Variants in DIAPH3 observed in about 807,000 individuals in gnomAD.
DIAPH3 encodes protein diaphanous homolog 3.
DIAPH3 carries 117 observed loss-of-function variants against 144.3 expected under a neutral mutation model. The observed-to-expected ratio is 0.81, with a 90% CI of 0.70 to 0.95. DIAPH3 has a LOEUF of 0.95. Among genes scored for constraint, DIAPH3 ranks in the 40% least tolerant of loss-of-function variants. The probability of loss-of-function intolerance (pLI) is 0.00; values close to 1 mark genes in which losing one functional copy is unlikely to be tolerated. For synonymous variants in DIAPH3, 519 were observed against 488.9 expected, an observed-to-expected ratio of 1.06 and a Z score of -0.81; for missense variants, 1,421 against 1,412.7, an observed-to-expected ratio of 1.01 and a Z score of -0.09.
chr13:60,062,534 C>A (rs1217515532), intron 4 of DIAPH3, among the ~76,000 whole-genome samples: 1 of 152,084 alleles, frequency 6.6e-6, no homozygotes, highest in African/African-American at 2.4e-5. Context: ...CCAAGCACAA[C>A]CCCTCATGAA....
At chr13:60,016,237 T>C in intron 5 of DIAPH3, 92 bp from the exon 6 acceptor site, 1 of 1,126,020 alleles carries the variant, frequency 8.9e-7, no homozygotes, top group Non-Finnish European at 1.3e-6. Context: ...ATTTGCTATA[T>C]TCCTAATCGT....
chr13:59,925,310 C>T (rs191884996), intron 17 of DIAPH3, among the ~76,000 whole-genome samples: 2 of 152,008 alleles, frequency 1.3e-5, no homozygotes. Flanking sequence ...TATACAATAC[C>T]ATTCTTATTT....
At position 59,992,180 on chromosome 13, in the gene DIAPH3, T is replaced by C. The variant is rs753857567; in HGVS notation, c.1132A>G (p.Lys378Glu). The C allele has an allele frequency of 1.9e-6, 3 of 1,606,476 alleles. No homozygotes were observed. Among genetic ancestry groups the C allele is most frequent in the South Asian group, 1.1e-5 (1 of 90,800 alleles). ...CGLKEILPNL[K>E]CIKNDGLDIQ... The stretch of plus-strand genomic sequence containing the variant: ...TCCAGGCCATCATTCTTAATGCATT[T>C]TAAATTCTAGAGATATGAAATAGAA... Residue 378 changes from lysine to glutamate, a missense_variant, in exon 11 of 28, where the codon AAA (lysine) becomes GAA (glutamate). By Grantham distance (56) the Lys-to-Glu change is moderately conservative. Transcript: ENST00000400324.
intron 5 of DIAPH3, chr13:60,034,683 A>G (rs2055068966): frequency 1.3e-5 from 2 of 152,222 alleles, no homozygotes; most frequent in African/African-American, 4.8e-5. Context: ...ACCACAGCCC[A>G]GAATTCCTGG....
chr13:59,806,363 G>C (rs341528), intron 25 of DIAPH3, among the ~76,000 whole-genome samples: 1 of 151,744 alleles, frequency 6.6e-6, no homozygotes, highest in Non-Finnish European at 1.5e-5. Context: ...GATCCTCACA[G>C]TGTTTAAAAA....
intron 20 of DIAPH3, among the ~76,000 whole-genome samples, chr13:59,885,951 C>T (rs2045418493): frequency 6.6e-6 from 1 of 152,042 alleles, no homozygotes; most frequent in Non-Finnish European, 1.5e-5. Context: ...TTTTAAGCCA[C>T]CAAGATCGTA....
intron 22 of DIAPH3, among the ~76,000 whole-genome samples, chr13:59,853,070 G>C (rs1441857469): frequency 6.6e-6 from 1 of 152,176 alleles, no homozygotes; most frequent in South Asian, 2.1e-4. Flanking sequence ...CATTTTATAG[G>C]TAGGAAAAGG....
intron 20 of DIAPH3, among the ~76,000 whole-genome samples, chr13:59,894,352 A>C (rs983160630): frequency 6.6e-6 from 1 of 152,092 alleles, no homozygotes; most frequent in Non-Finnish European, 1.5e-5. Flanking sequence ...GCATAAAAAA[A>C]ATAGGCAGAA....
At chr13:60,085,248 G>C (rs762049075) in intron 4 of DIAPH3, among the ~76,000 whole-genome samples, 3 of 152,034 alleles carry the variant, frequency 2.0e-5, no homozygotes, top group Non-Finnish European at 4.4e-5. Flanking sequence ...GCAGCTACTA[G>C]TATGTATGGT....
At chr13:59,753,148 C>A (rs1416288502) in intron 27 of DIAPH3, among the ~76,000 whole-genome samples, 1 of 152,034 alleles carries the variant, frequency 6.6e-6, no homozygotes, top group Non-Finnish European at 1.5e-5. Flanking sequence ...AGAACAAAAG[C>A]AGAAATAATT....
At position 60,119,395 on chromosome 13, in the gene DIAPH3, A is replaced by C. The variant is rs187135763; in HGVS notation, c.214-7209T>G. Among the ~76,000 whole-genome samples, 321 of 152,308 alleles carry C rather than the reference A, an allele frequency of 2.1e-3. 3 individuals carry two copies. Among genetic ancestry groups the C allele is most frequent in the African/African-American group, 7.5e-3 (310 of 41,566 alleles). The stretch of plus-strand genomic sequence containing the variant: ...TTACCGCAAACTCAAGGCAGAACCC[A>C]ACCCAGAACCACCCAGCTAAGCAAC... On this transcript the variant is annotated intron_variant, in intron 2 of 27. Transcript: ENST00000400324.
At position 59,785,859 on chromosome 13, in the gene DIAPH3, C is replaced by T. The variant is rs568684327; in HGVS notation, c.3164-11036G>A. On this transcript the variant is annotated intron_variant, in intron 25 of 27. Coordinates refer to ENST00000400324, the MANE Select transcript of DIAPH3 (RefSeq NM_001042517.2). The stretch of plus-strand genomic sequence containing the variant: ...ATGTATATGTTGATAACCACTCTTC[C>T]TCTTCCTATCTTAAATATGGCCTGG... Among the ~76,000 whole-genome samples the T allele has an allele frequency of 7.9e-4, 121 of 152,308 alleles. 1 individual carries two copies. In the Middle Eastern group the frequency reaches 0.01, roughly 13 times the overall value.
chr13:59,921,145 A>C (rs1566519479), intron 18 of DIAPH3, among the ~76,000 whole-genome samples: 1 of 151,274 alleles, frequency 6.6e-6, no homozygotes, highest in Non-Finnish European at 1.5e-5. Context: ...AAAAAAAAAA[A>C]ATCTCAAACA....
At position 59,971,071 on chromosome 13, in the gene DIAPH3, T is replaced by C. The variant is rs748308779; in HGVS notation, c.1740A>G (p.Pro580=). The change falls in exon 16 of 28, where the codon CCA becomes CCG. Residue 580 remains proline (P), a synonymous_variant. Transcript: ENST00000400324. ...GCGGCACCCCTCCACCAGAAGGCAG[T>C]GGAGGCGGAGGAGGAAGTGCTGAGT... The part of the protein sequence containing the change: ...TGHSALPPPP[P]LPSGGGVPPP... The C allele has an allele frequency of 5.6e-6, 9 of 1,613,216 alleles. No individual in the cohort carries two copies. Among genetic ancestry groups the C allele is most frequent in the Admixed American group, 1.7e-5 (1 of 59,916 alleles).
chr13:59,891,827 G>A (rs898104368), intron 20 of DIAPH3, among the ~76,000 whole-genome samples: 6 of 152,004 alleles, frequency 3.9e-5, no homozygotes, highest in Non-Finnish European at 8.8e-5. Context: ...TAGCTGAGCT[G>A]TAATAGTTAC....
intron 27 of DIAPH3, among the ~76,000 whole-genome samples, chr13:59,673,316 G>A (rs1047009140): frequency 2.6e-5 from 4 of 152,038 alleles, no homozygotes; most frequent in Non-Finnish European, 5.9e-5. Flanking sequence ...TATTGAAATT[G>A]CTCCTTACAA....
intron 1 of DIAPH3, among the ~76,000 whole-genome samples, chr13:60,138,778 A>AGG (rs59122420): frequency 9.2e-5 from 10 of 108,490 alleles, no homozygotes; most frequent in Non-Finnish European, 2.0e-4. Flanking sequence ...AAGGAGAAGG[A>AGG]GAAGAAGGGG....
At chr13:59,668,010 T>G (rs968880852) in intron 27 of DIAPH3, among the ~76,000 whole-genome samples, 2 of 152,212 alleles carry the variant, frequency 1.3e-5, no homozygotes, top group Non-Finnish European at 2.9e-5. Flanking sequence ...TTTACACACT[T>G]TCTTGGACAA....
chr13:60,079,113 C>T (rs73218519), intron 4 of DIAPH3, among the ~76,000 whole-genome samples: 6,536 of 151,816 alleles, frequency 0.043, 184 homozygotes, highest in East Asian at 0.1. Flanking sequence ...GAAAAAAGGG[C>T]AGAAAAGTTA....
Sources: allele counts gnomAD v4.1 joint callset (sites outside exome capture counted in the v4.1 genomes callset), GRCh38; gene constraint gnomAD v4.1.1; transcripts MANE v1.5; gene names NCBI Gene and HGNC (gene_info 2026-07-23, HGNC 2026-07-21).